The following ANKMY2 variants were observed in gnomAD, a reference collection of about 807,000 sequenced individuals.
ANKMY2 encodes the protein ankyrin repeat and MYND domain containing 2.
In ANKMY2, 36 loss-of-function variants were observed where a neutral mutation model predicts 50.4. The ratio of observed to expected loss-of-function variants is 0.71; its 90% CI spans 0.55 to 0.94. The LOEUF is 0.94. ANKMY2 is among the 40% of genes least tolerant of loss of function. The probability of loss-of-function intolerance (pLI) is 0.00; values close to 1 mark genes in which losing one functional copy is unlikely to be tolerated. For synonymous variants in ANKMY2, 187 were observed against 178.8 expected (o/e 1.05, Z -0.36); for missense variants, 565 against 524.0 (o/e 1.08, Z -0.76).
At chr7:16,617,815 A>T (rs1165066143) in intron 4 of ANKMY2, among the ~76,000 whole-genome samples, 1 of 152,084 alleles carries the variant, frequency 6.6e-6, no homozygotes, top group Non-Finnish European at 1.5e-5. Context: ...ATAATTTAAA[A>T]AATTAGCTGG....
intron 3 of ANKMY2, among the ~76,000 whole-genome samples, chr7:16,626,322 A>G (rs1781506801): frequency 2.0e-5 from 3 of 152,170 alleles, no homozygotes; most frequent in Non-Finnish European, 4.4e-5. Flanking sequence ...TTTAAGACAT[A>G]TAATACAGAT....
At chr7:16,626,345 A>T (rs1781507226) in intron 3 of ANKMY2, among the ~76,000 whole-genome samples, 1 of 152,088 alleles carries the variant, frequency 6.6e-6, no homozygotes, top group Admixed American at 6.5e-5. Flanking sequence ...TTAGTTTTTC[A>T]TTTGTATTTT....
At chr7:16,630,438 G>C (rs1237692766) in intron 2 of ANKMY2, among the ~76,000 whole-genome samples, 1 of 152,190 alleles carries the variant, frequency 6.6e-6, no homozygotes. Context: ...TGAATAGCAT[G>C]AGAAACAAGC....
chr7:16,623,617 C>T (rs574050290), intron 4 of ANKMY2, among the ~76,000 whole-genome samples: 7 of 152,084 alleles, frequency 4.6e-5, no homozygotes, highest in East Asian at 1.9e-4. Flanking sequence ...GGAATTTGCC[C>T]GTGATCCTAT....
chr7:16,628,382 GC>G (rs1781535141), intron 2 of ANKMY2, among the ~76,000 whole-genome samples: 1 of 152,124 alleles, frequency 6.6e-6, no homozygotes, highest in African/African-American at 2.4e-5. Context: ...CCTTTCAGTT[GC>G]ACAAGAGGCA....
At position 16,601,076 on chromosome 7, in the gene ANKMY2, C is replaced by T. The variant is rs1005181346; in HGVS notation, c.1142-131G>A. ...TTAGTATCTCTACTGTCATCGCTAA[C>T]GTTATTTTACAAATGAGAAAACTGA... On this transcript the variant is annotated intron_variant, in intron 9 of 9. Transcript: ENST00000306999. 3.7e-5 allele frequency: 23 copies of T among 628,970 alleles called. No individual in the cohort carries two copies. The Admixed American group carries it at 3.9e-4, about 11-fold the overall frequency. 39.0% of individuals were successfully genotyped at this position (628,970 alleles called of 1,614,324 possible).
chr7:16,620,081 G>T (rs1344181609), intron 4 of ANKMY2, among the ~76,000 whole-genome samples: 1 of 152,186 alleles, frequency 6.6e-6, no homozygotes, highest in Non-Finnish European at 1.5e-5. Context: ...TAATAGTTTT[G>T]TCATGATGGG....
chr7:16,631,561 A>G (rs1781584295), intron 2 of ANKMY2, among the ~76,000 whole-genome samples: 1 of 151,922 alleles, frequency 6.6e-6, no homozygotes, highest in Non-Finnish European at 1.5e-5. Flanking sequence ...AAAAATATTT[A>G]TACAAATTTT....
At chr7:16,622,665 G>A (rs201372325) in intron 4 of ANKMY2, among the ~76,000 whole-genome samples, 9 of 151,948 alleles carry the variant, frequency 5.9e-5, no homozygotes, top group East Asian at 1.9e-4. Flanking sequence ...ACTTGAACCC[G>A]GGAGGCGGAG....
chr7:16,624,329 A>C (rs1293424056), intron 4 of ANKMY2, among the ~76,000 whole-genome samples: 2 of 152,012 alleles, frequency 1.3e-5, no homozygotes, highest in African/African-American at 4.8e-5. Flanking sequence ...AAGAACAAGA[A>C]TTCACTCCCA....
intron 1 of ANKMY2, among the ~76,000 whole-genome samples, chr7:16,645,236 G>A (rs1380100060): frequency 6.6e-6 from 1 of 152,174 alleles, no homozygotes; most frequent in Non-Finnish European, 1.5e-5. Context: ...TTAACCTAAG[G>A]CGGGGCGTGG....
chr7:16,609,325 CAT>C (rs1489980962), intron 7 of ANKMY2, among the ~76,000 whole-genome samples: 1 of 152,110 alleles, frequency 6.6e-6, no homozygotes, highest in Non-Finnish European at 1.5e-5. Flanking sequence ...TACAAGTGTA[CAT>C]GTGTGTACCT....
At chr7:16,627,497 T>C (rs559551270) in intron 2 of ANKMY2, among the ~76,000 whole-genome samples, 1 of 152,208 alleles carries the variant, frequency 6.6e-6, no homozygotes, top group South Asian at 2.1e-4. Flanking sequence ...AGAAAGCAAA[T>C]GAACAAACAG....
chr7:16,604,019 G>A (rs1484954030), intron 8 of ANKMY2, among the ~76,000 whole-genome samples: 3 of 152,216 alleles, frequency 2.0e-5, no homozygotes, highest in Admixed American at 6.5e-5. Flanking sequence ...TCAGGAAACA[G>A]GTTCAGAGAA....
At chr7:16,641,989 G>A (rs905817181) in intron 1 of ANKMY2, among the ~76,000 whole-genome samples, 3 of 152,086 alleles carry the variant, frequency 2.0e-5, no homozygotes, top group African/African-American at 7.2e-5. Context: ...TGGTTTCACA[G>A]ATGTATGTTT....
chr7:16,645,478 G>A (rs1234352815), intron 1 of ANKMY2, 29 bp downstream of exon 1: 3 of 1,587,654 alleles, frequency 1.9e-6, no homozygotes, highest in South Asian at 1.1e-5. Flanking sequence ...CAGGCTGGCC[G>A]CGGCCGCGTC....
intron 1 of ANKMY2, among the ~76,000 whole-genome samples, chr7:16,639,159 C>T (rs1454504807): frequency 6.6e-6 from 1 of 152,120 alleles, no homozygotes; most frequent in Non-Finnish European, 1.5e-5. Context: ...TATAGAAGGT[C>T]CAGAATAGCA....
intron 2 of ANKMY2, among the ~76,000 whole-genome samples, chr7:16,631,303 G>A (rs1324709889): frequency 2.0e-5 from 3 of 152,264 alleles, no homozygotes; most frequent in East Asian, 1.9e-4. Context: ...ACAGATGGCT[G>A]CATCAACCTG....
In ANKMY2 at chr7:16,636,446, TGGA is replaced by T; in HGVS notation, c.74_76del (p.Val25_Gln26delinsGlu). The T allele has an allele frequency of 1.9e-6, 3 of 1,590,756 alleles. No individual in the cohort carries two copies. Among genetic ancestry groups the T allele is most frequent in the Non-Finnish European group, 2.6e-6 (3 of 1,169,296 alleles). ...GCTGGATAATAATGTTCCAGCTTCTTGGACAGTACCTAAAAAAAAAAAAAAGAT... is the reference window on the plus strand; with the variant it reads ...GCTGGATAATAATGTTCCAGCTTCTTCAGTACCTAAAAAAAAAAAAAAGAT... On this transcript the variant is annotated inframe_deletion, in exon 2 of 10. Transcript: ENST00000306999.
Sources: gnomAD v4.1 joint callset for allele counts (sites outside exome capture counted in the v4.1 genomes callset) on GRCh38, gnomAD v4.1.1 for gene constraint, MANE v1.5 for transcripts, NCBI Gene and HGNC (gene_info 2026-07-23, HGNC 2026-07-21) for gene names.